Variants in KIAA0232 observed in about 807,000 individuals in gnomAD.
The protein encoded by KIAA0232 is KIAA0232, also known as uncharacterized protein KIAA0232.
Under a neutral mutation model 122.0 loss-of-function variants are expected in KIAA0232, and 27 were observed. The observed-to-expected ratio is 0.22, with a 90% CI of 0.16 to 0.31. The LOEUF is 0.31. Ranked by LOEUF, KIAA0232 falls within the 10% of genes least tolerant of loss-of-function variation. The probability of loss-of-function intolerance (pLI) is 1.00; values close to 1 mark genes in which losing one functional copy is unlikely to be tolerated. For synonymous variants in KIAA0232, 613 were observed against 587.6 expected, an observed-to-expected ratio of 1.04 and a Z score of -0.63; for missense variants, 1,551 against 1,634.2, an observed-to-expected ratio of 0.95 and a Z score of 0.88.
At chr4:6,814,896 A>C (rs958907771) in intron 2 of KIAA0232, among the ~76,000 whole-genome samples, 11 of 152,220 alleles carry the variant, frequency 7.2e-5, no homozygotes, top group Non-Finnish European at 1.6e-4. Flanking sequence ...TAAACTTTAA[A>C]GTAAAAAAGA....
Position 6,881,871 on chromosome 4 carries a change from A to G in KIAA0232, c.*905A>G. 1 of 152,792 alleles carries G rather than the reference A, an allele frequency of 6.5e-6. No individual in the cohort carries two copies. Among genetic ancestry groups the G allele is most frequent in the African/African-American group, 2.4e-5 (1 of 41,586 alleles). 9.5% of individuals were successfully genotyped at this position (152,792 alleles called of 1,614,324 possible). ...GAACATTTGACATGCAGTAAAGGCC[A>G]CCTCATCACCCAGAGAAATCTTTGG... On this transcript the variant is annotated 3_prime_UTR_variant, in exon 10 of 10. Coordinates refer to ENST00000307659, the MANE Select transcript of KIAA0232 (RefSeq NM_014743.3).
intron 1 of KIAA0232, among the ~76,000 whole-genome samples, chr4:6,801,391 T>C (rs1476559740): frequency 2.0e-5 from 3 of 152,222 alleles, no homozygotes; most frequent in African/African-American, 7.2e-5. Flanking sequence ...TATAGGAGAC[T>C]GAAAAGATGC....
chr4:6,880,961 C>T lies in KIAA0232; in HGVS notation c.4183C>T (p.Leu1395Phe). The change falls in exon 10 of 10, where the codon CTC (leucine) becomes TTC (phenylalanine). Residue 1395 changes from leucine to phenylalanine, a missense_variant. Around this residue, in one of 5 missense-constraint regions of KIAA0232, gnomAD observed 1,108 missense variants for 1,154.8 expected, o/e 0.96. Transcript: ENST00000307659. ...SEEELFSRTH[L>F] ...AGAGGAGCTCTTTTCTCGAACTCAT[C>T]TCTAAACCTGCAAAATAGTACAAAT... is the stretch of plus-strand genomic sequence containing the variant. 1 of 1,522,680 alleles carries T rather than the reference C, an allele frequency of 6.6e-7. No individual in the cohort carries two copies. The highest frequency in any genetic ancestry group is 8.8e-7 in the Non-Finnish European group (1 of 1,131,800). The allele number at this position is 1,522,680 out of a possible 1,614,324, so 94.3% of individuals were successfully genotyped here.
chr4:6,851,793 A>C (rs1720302610), intron 4 of KIAA0232, among the ~76,000 whole-genome samples: 1 of 152,010 alleles, frequency 6.6e-6, no homozygotes, highest in African/African-American at 2.4e-5. Flanking sequence ...AACTAAGAAA[A>C]TTGAAGGACT....
chr4:6,842,250 G>A (rs766498405), intron 4 of KIAA0232, 46 bp downstream of exon 4: 55 of 1,530,688 alleles, frequency 3.6e-5, no homozygotes, highest in Non-Finnish European at 4.5e-5. Context: ...TAAAAGAAGG[G>A]GTGATTTAAG....
intron 7 of KIAA0232, among the ~76,000 whole-genome samples, chr4:6,865,374 A>C (rs960663928): frequency 6.6e-6 from 1 of 152,174 alleles, no homozygotes; most frequent in East Asian, 1.9e-4. Flanking sequence ...ATCTCAGCTC[A>C]CTGCAACCTC....
rs745686638 is a variant in KIAA0232 at position 6,862,941 on chromosome 4, A to G, written c.2559A>G (p.Ala853=). 9.9e-6 allele frequency: 16 copies of G among 1,614,110 alleles called. No individual in the cohort carries two copies. The East Asian group carries it at 3.1e-4, about 31-fold the overall frequency. ...IERTDAELFS[A]DVNNYCCCLD... is the part of the protein sequence containing the mutation. ...GAACTGATGCTGAGTTGTTTTCGGC[A>G]GATGTAAATAACTACTGCTGCTGTC... Residue 853 remains alanine (A), a synonymous_variant, in exon 7 of 10, where the codon GCA becomes GCG. Coordinates refer to ENST00000307659, the MANE Select transcript of KIAA0232 (RefSeq NM_014743.3).
chr4:6,871,143 CA>C (rs1721458984), intron 7 of KIAA0232, among the ~76,000 whole-genome samples: 1 of 152,052 alleles, frequency 6.6e-6, no homozygotes, highest in South Asian at 2.1e-4. Context: ...TATAAAAACT[CA>C]CCAGTTGGCT....
At position 6,836,278 on chromosome 4, in the gene KIAA0232, T is replaced by C. The variant is rs1300360254; in HGVS notation, c.232-5789T>C. Reference sequence around the variant, plus strand: ...TGCATAAATGTCTTCTTTTGAGAAGTGTCTATGCATATCCTTTGCCCACTT... The same window carrying C: ...TGCATAAATGTCTTCTTTTGAGAAGCGTCTATGCATATCCTTTGCCCACTT... On this transcript the variant is annotated intron_variant, in intron 3 of 9. Transcript: ENST00000307659. Among the ~76,000 whole-genome samples, 8 of 152,178 alleles carry C rather than the reference T, an allele frequency of 5.3e-5. 1 individual carries two copies. The highest frequency in any genetic ancestry group is 3.9e-4 in the Admixed American group (6 of 15,290).
chr4:6,783,503 C>A (rs1414165648), intron 1 of KIAA0232, among the ~76,000 whole-genome samples: 3 of 152,180 alleles, frequency 2.0e-5, no homozygotes, highest in African/African-American at 7.2e-5. Context: ...CGCCCGGCGT[C>A]CCCGGCAGCG....
intron 3 of KIAA0232, among the ~76,000 whole-genome samples, chr4:6,841,005 C>G (rs1490577129): frequency 6.6e-6 from 1 of 152,106 alleles, no homozygotes; most frequent in East Asian, 1.9e-4. Flanking sequence ...CATGAGGGAC[C>G]TCTCAAATAC....
At chr4:6,805,433 T>C (rs1717572907) in intron 2 of KIAA0232, among the ~76,000 whole-genome samples, 1 of 152,208 alleles carries the variant, frequency 6.6e-6, no homozygotes, top group Admixed American at 6.5e-5. Context: ...ATAAACACAT[T>C]ATTGAAGTAT....
intron 4 of KIAA0232, among the ~76,000 whole-genome samples, chr4:6,853,277 C>CTATT (rs754359774): frequency 6.6e-6 from 1 of 152,018 alleles, no homozygotes; most frequent in Non-Finnish European, 1.5e-5. Context: ...ATGAAAAACT[C>CTATT]AATAGACGGT....
chr4:6,812,720 A>G (rs1178267050), intron 2 of KIAA0232, among the ~76,000 whole-genome samples: 4 of 152,192 alleles, frequency 2.6e-5, no homozygotes, highest in Non-Finnish European at 4.4e-5. Context: ...TATCGGTTGA[A>G]TAGAGCTGCC....
intron 2 of KIAA0232, among the ~76,000 whole-genome samples, chr4:6,820,361 A>G (rs1718364700): frequency 6.6e-6 from 1 of 152,230 alleles, no homozygotes; most frequent in African/African-American, 2.4e-5. Flanking sequence ...ATTGACATTT[A>G]GGAATATAAA....
chr4:6,847,259 T>C (rs1336141531), intron 4 of KIAA0232, among the ~76,000 whole-genome samples: 2 of 152,202 alleles, frequency 1.3e-5, no homozygotes, highest in African/African-American at 4.8e-5. Flanking sequence ...CATCCATAGT[T>C]ACCAGACTGT....
chr4:6,848,229 A>C (rs1231235300), intron 4 of KIAA0232, among the ~76,000 whole-genome samples: 2 of 152,370 alleles, frequency 1.3e-5, no homozygotes, highest in East Asian at 3.9e-4. Context: ...TACAGAGTAC[A>C]ACTTAGTATT....
intron 4 of KIAA0232, among the ~76,000 whole-genome samples, chr4:6,848,881 T>C (rs1314217254): frequency 1.3e-5 from 2 of 152,046 alleles, no homozygotes; most frequent in African/African-American, 4.8e-5. Flanking sequence ...AAGCTGAGAG[T>C]GCTCACAGTT....
Position 6,880,817 on chromosome 4 carries a change from GGA to G in KIAA0232, c.4048_4049del (p.Asp1350PhefsTer35). On this transcript the variant is annotated frameshift_variant, in exon 10 of 10. Coordinates refer to ENST00000307659, the MANE Select transcript of KIAA0232 (RefSeq NM_014743.3). LOFTEE classifies it low-confidence loss of function (END_TRUNC). The stretch of plus-strand genomic sequence containing the variant: ...TTCTGTTTATGAAGCAAGATGTACA[GGA>G]GAGAGAGATTCTGGAGCAAAGTCAG... Reference protein sequence around the residue: ...VSSVYEARCTGERDSGAKSDG... With the variant: ...VSSVYEARCTXERDSGAKSDG... 1 of 1,595,826 alleles carries G rather than the reference GGA, an allele frequency of 6.3e-7. No individual in the cohort carries two copies. Among genetic ancestry groups the G allele is most frequent in the Non-Finnish European group, 8.6e-7 (1 of 1,169,408 alleles).
Sources: allele counts gnomAD v4.1 joint callset (sites outside exome capture counted in the v4.1 genomes callset), GRCh38; gene constraint gnomAD v4.1.1; regional missense constraint gnomAD v4.1.1; transcripts MANE v1.5; gene names NCBI Gene and HGNC (gene_info 2026-07-23, HGNC 2026-07-21).